The following ZNF804A variants were observed in gnomAD, a reference collection of about 807,000 sequenced individuals.
The protein encoded by ZNF804A is zinc finger protein 804A.
ZNF804A carries 2 observed loss-of-function variants against 16.5 expected under a neutral mutation model. The observed-to-expected ratio is 0.12, with a 90% confidence interval of 0.05 to 0.38. ZNF804A has a LOEUF of 0.38. Among genes scored for constraint, ZNF804A ranks in the 10% least tolerant of loss-of-function variants. The pLI is 0.99. For synonymous variants in ZNF804A, 534 were observed against 489.6 expected (o/e 1.09, Z -1.20); for missense variants, 1,473 against 1,390.7 (o/e 1.06, Z -0.94).
At chr2:184,707,269 A>G (rs550665134) in intron 1 of ZNF804A, among the ~76,000 whole-genome samples, 36 of 152,108 alleles carry the variant, frequency 2.4e-4, no homozygotes, top group Middle Eastern at 6.8e-3. Flanking sequence ...AAAGAATTAC[A>G]ATTTTATTTC....
chr2:184,828,574 T>C (rs995220574), intron 1 of ZNF804A, among the ~76,000 whole-genome samples: 8 of 151,866 alleles, frequency 5.3e-5, no homozygotes, highest in Non-Finnish European at 8.8e-5. Context: ...TTTATTTTAG[T>C]AGTTTCTCTT....
At chr2:184,760,758 T>C (rs561467806) in intron 1 of ZNF804A, among the ~76,000 whole-genome samples, 2 of 152,266 alleles carry the variant, frequency 1.3e-5, no homozygotes, top group Non-Finnish European at 1.5e-5. Flanking sequence ...ACCAGGTCTC[T>C]AGAATAATTT....
At chr2:184,794,335 T>G (rs917248548) in intron 1 of ZNF804A, among the ~76,000 whole-genome samples, 9 of 152,282 alleles carry the variant, frequency 5.9e-5, no homozygotes, top group Middle Eastern at 3.4e-3. Context: ...ATGTTGAGCA[T>G]TTTTTCATAC....
chr2:184,914,452 C>T (rs1423611597), intron 2 of ZNF804A, among the ~76,000 whole-genome samples: 2 of 152,092 alleles, frequency 1.3e-5, no homozygotes, highest in Admixed American at 6.6e-5. Context: ...TATGGCTTCC[C>T]ACCAAATAAT....
intron 1 of ZNF804A, among the ~76,000 whole-genome samples, chr2:184,764,594 A>T (rs938597636): frequency 6.6e-6 from 1 of 152,182 alleles, no homozygotes; most frequent in African/African-American, 2.4e-5. Flanking sequence ...TAATCCAGGT[A>T]TATGATTCCC....
chr2:184,823,611 G>A (rs923301489), intron 1 of ZNF804A, among the ~76,000 whole-genome samples: 2 of 152,062 alleles, frequency 1.3e-5, no homozygotes, highest in African/African-American at 2.4e-5. Flanking sequence ...TGCCATTAAT[G>A]TGTGATATAC....
chr2:184,912,850 A>T (rs933368177), intron 2 of ZNF804A, among the ~76,000 whole-genome samples: 2 of 152,046 alleles, frequency 1.3e-5, no homozygotes, highest in African/African-American at 2.4e-5. Context: ...AAGATACATT[A>T]TTTGCAAACA....
chr2:184,783,170 T>C (rs1328832445), intron 1 of ZNF804A, among the ~76,000 whole-genome samples: 5 of 102,640 alleles, frequency 4.9e-5, no homozygotes, highest in African/African-American at 1.8e-4. Flanking sequence ...TTTTAGGTAA[T>C]ACATTTTTAG....
intron 2 of ZNF804A, among the ~76,000 whole-genome samples, chr2:184,912,670 T>C (rs1480285881): frequency 6.6e-6 from 1 of 152,104 alleles, no homozygotes; most frequent in African/African-American, 2.4e-5. Flanking sequence ...TGGTTTCTAA[T>C]TGTGGCTTTG....
intron 2 of ZNF804A, among the ~76,000 whole-genome samples, chr2:184,898,923 G>A (rs1296091160): frequency 2.0e-5 from 3 of 151,868 alleles, no homozygotes; most frequent in Non-Finnish European, 4.4e-5. Flanking sequence ...ACTATTTTAT[G>A]ATAATATTTA....
chr2:184,615,608 G>C (rs928071002), intron 1 of ZNF804A, among the ~76,000 whole-genome samples: 1 of 152,090 alleles, frequency 6.6e-6, no homozygotes, highest in Non-Finnish European at 1.5e-5. Context: ...ATTCTTTGAG[G>C]ATTTGTAGCC....
chr2:184,644,174 G>A (rs1460815185), intron 1 of ZNF804A, among the ~76,000 whole-genome samples: 1 of 151,396 alleles, frequency 6.6e-6, no homozygotes, highest in Non-Finnish European at 1.5e-5. Flanking sequence ...AACTGTCAGG[G>A]TTAGAGGTAC....
chr2:184,843,064 C>A (rs2105800622), intron 1 of ZNF804A, among the ~76,000 whole-genome samples: 1 of 152,148 alleles, frequency 6.6e-6, no homozygotes, highest in Non-Finnish European at 1.5e-5. Flanking sequence ...GTTTCCCATT[C>A]ATACTCACAA....
At chr2:184,715,467 A>C (rs181161358) in intron 1 of ZNF804A, among the ~76,000 whole-genome samples, 92 of 152,162 alleles carry the variant, frequency 6.0e-4, no homozygotes, top group Non-Finnish European at 1.1e-3. Context: ...TCTCACTGTT[A>C]CCTTGAATTC....
intron 1 of ZNF804A, among the ~76,000 whole-genome samples, chr2:184,627,764 A>T (rs890565979): frequency 6.6e-6 from 1 of 152,192 alleles, no homozygotes; most frequent in African/African-American, 2.4e-5. Flanking sequence ...TTAGAAATGG[A>T]TTTATTCTAA....
chr2:184,685,745 C>T (rs1692617708), intron 1 of ZNF804A, among the ~76,000 whole-genome samples: 1 of 152,160 alleles, frequency 6.6e-6, no homozygotes, highest in African/African-American at 2.4e-5. Flanking sequence ...GCCATGGACT[C>T]TACCTGGAAC....
chr2:184,853,962 A>G (rs1695646182), intron 1 of ZNF804A, among the ~76,000 whole-genome samples: 2 of 151,514 alleles, frequency 1.3e-5, no homozygotes, highest in South Asian at 4.2e-4. Flanking sequence ...CTCTTCTTCA[A>G]CTTTTTGGGA....
Position 184,936,685 on chromosome 2 carries a change from A to G in ZNF804A, c.1289A>G (p.Asn430Ser). Residue 430 changes from asparagine (N) to serine (S), a missense_variant, in exon 4 of 4, where the codon AAC becomes AGC. Asn to Ser is a conservative substitution (Grantham distance 46). Transcript: ENST00000302277. ...TGTGAGCCATTTGTACCTGTCCTTA[A>G]CAAACACAGATCTACAGTTCTTCAG... is the stretch of plus-strand genomic sequence containing the variant. Reference protein sequence around the residue: ...RQCEPFVPVLNKHRSTVLQWP... With the variant: ...RQCEPFVPVLSKHRSTVLQWP... 1.2e-6 allele frequency: 2 copies of G among 1,613,850 alleles called. No homozygotes were observed. Among genetic ancestry groups the G allele is most frequent in the Non-Finnish European group, 1.7e-6 (2 of 1,179,876 alleles).
chr2:184,634,654 A>T (rs1328152111), intron 1 of ZNF804A, among the ~76,000 whole-genome samples: 2 of 152,182 alleles, frequency 1.3e-5, no homozygotes, highest in Non-Finnish European at 2.9e-5. Context: ...GTTGGCCTCT[A>T]GAAGCAGAAA....
Sources: allele counts gnomAD v4.1 joint callset (sites outside exome capture counted in the v4.1 genomes callset), GRCh38; gene constraint gnomAD v4.1.1; transcripts MANE v1.5; gene names NCBI Gene and HGNC (gene_info 2026-07-23, HGNC 2026-07-21).